The following SLC17A1 variants were observed in gnomAD, a reference collection of about 807,000 sequenced individuals.
SLC17A1 encodes solute carrier family 17 member 1.
SLC17A1 carries 51 observed loss-of-function variants against 53.5 expected under a neutral mutation model. The ratio of observed to expected loss-of-function variants is 0.95; its 90% confidence interval spans 0.76 to 1.20. The LOEUF is 1.20. Ranked by LOEUF, SLC17A1 falls within the 50% of genes most tolerant of loss-of-function variation. SLC17A1 has a pLI of 0.00. For missense variants in SLC17A1, 538 were observed against 568.2 expected (o/e 0.95, Z 0.54); for synonymous variants, 179 against 198.8 (o/e 0.90, Z 0.84).
chr6:25,767,424 G>T, the SLC17A1 span, among the ~76,000 whole-genome samples: 2 of 152,038 alleles, frequency 1.3e-5, no homozygotes, highest in Non-Finnish European at 2.9e-5. Flanking sequence ...GTGCCTTGAG[G>T]TAGACTCTGT....
At chr6:25,753,586 A>C in the SLC17A1 span, among the ~76,000 whole-genome samples, 1 of 152,200 alleles carries the variant, frequency 6.6e-6, no homozygotes, top group Non-Finnish European at 1.5e-5. Context: ...AAAGAGATGA[A>C]GGTGGAACTG....
chr6:25,737,261 C>T, the SLC17A1 span, among the ~76,000 whole-genome samples: 1 of 152,164 alleles, frequency 6.6e-6, no homozygotes, highest in East Asian at 1.9e-4. Flanking sequence ...TCTTTTCAGG[C>T]TTTTGCATTT....
chr6:25,726,763 C>T, the SLC17A1 span: 9 of 1,160,962 alleles, frequency 7.8e-6, no homozygotes, highest in African/African-American at 1.5e-5. Flanking sequence ...CCGCATCTTT[C>T]ATCCTCCAGT....
the SLC17A1 span, among the ~76,000 whole-genome samples, chr6:25,734,277 T>G: frequency 6.6e-6 from 1 of 152,184 alleles, no homozygotes; most frequent in Non-Finnish European, 1.5e-5. Flanking sequence ...TACAAGGACA[T>G]AGTTTAAAAC....
chr6:25,729,394 A>G, the SLC17A1 span, among the ~76,000 whole-genome samples: 1 of 152,190 alleles, frequency 6.6e-6, no homozygotes, highest in Admixed American at 6.5e-5. Context: ...CATACTAGTT[A>G]CAGTTGCAAG....
the SLC17A1 span, among the ~76,000 whole-genome samples, chr6:25,775,247 G>A: frequency 4.0e-5 from 6 of 151,570 alleles, no homozygotes; most frequent in Admixed American, 2.0e-4. Context: ...CATGAGAATC[G>A]CTTGAGCTGG....
At chr6:25,802,941 T>C (rs1177439962) in intron 10 of SLC17A1, among the ~76,000 whole-genome samples, 2 of 96,910 alleles carry the variant, frequency 2.1e-5, no homozygotes, top group East Asian at 2.7e-4. Context: ...TCTTCTTTTT[T>C]TTTTTTTTTT....
chr6:25,724,700 G>A, the SLC17A1 span, among the ~76,000 whole-genome samples: 230 of 152,276 alleles, frequency 1.5e-3, 4 homozygotes, highest in East Asian at 0.026. Context: ...TCTTGACAAA[G>A]TATCTACATT....
At chr6:25,816,994 C>A (rs1363451830) in intron 6 of SLC17A1, among the ~76,000 whole-genome samples, 1 of 151,980 alleles carries the variant, frequency 6.6e-6, no homozygotes, top group Non-Finnish European at 1.5e-5. Context: ...ATTATAGGTG[C>A]CTGCCACCAC....
intron 12 of SLC17A1, among the ~76,000 whole-genome samples, chr6:25,794,571 A>G (rs1763565840): frequency 6.6e-6 from 1 of 152,204 alleles, no homozygotes; most frequent in Non-Finnish European, 1.5e-5. Flanking sequence ...TACAAAACCT[A>G]GAGAACTACC....
chr6:25,812,615 T>A (rs1010537554), intron 8 of SLC17A1, among the ~76,000 whole-genome samples: 1 of 152,168 alleles, frequency 6.6e-6, no homozygotes, highest in Non-Finnish European at 1.5e-5. Context: ...GATGCATGTG[T>A]GCTGTTGCTG....
At chr6:25,826,196 T>A (rs1764734128) in intron 3 of SLC17A1, among the ~76,000 whole-genome samples, 1 of 152,128 alleles carries the variant, frequency 6.6e-6, no homozygotes, top group South Asian at 2.1e-4. Context: ...TTTCCTCTTG[T>A]CCAAATTTCT....
the SLC17A1 span, among the ~76,000 whole-genome samples, chr6:25,725,007 G>C: frequency 1.8e-5 from 2 of 113,094 alleles, no homozygotes; most frequent in Non-Finnish European, 3.4e-5. Context: ...TTTTTTTTTG[G>C]TAACCAAATG....
chr6:25,762,391 T>G, the SLC17A1 span, among the ~76,000 whole-genome samples: 1 of 152,320 alleles, frequency 6.6e-6, no homozygotes, highest in South Asian at 2.1e-4. Context: ...TAGATCTCTC[T>G]GCTCATGTTA....
At chr6:25,814,864 T>A (rs1764282619) in intron 6 of SLC17A1, among the ~76,000 whole-genome samples, 1 of 151,968 alleles carries the variant, frequency 6.6e-6, no homozygotes, top group Non-Finnish European at 1.5e-5. Flanking sequence ...TGTGCCCCTG[T>A]AATCCCAGCT....
chr6:25,732,085 C>A, the SLC17A1 span: 6 of 1,087,646 alleles, frequency 5.5e-6, no homozygotes, highest in Non-Finnish European at 7.6e-6. Flanking sequence ...CGCTTTTTGT[C>A]CTCCTTCGAG....
At chr6:25,771,164 C>T in the SLC17A1 span, 9 of 664,726 alleles carry the variant, frequency 1.4e-5, no homozygotes, top group Non-Finnish European at 2.4e-5. Flanking sequence ...TAAGTTTCAG[C>T]AGCCCGAGTG....
chr6:25,761,264 C>T, the SLC17A1 span, among the ~76,000 whole-genome samples: 1 of 152,182 alleles, frequency 6.6e-6, no homozygotes, highest in Non-Finnish European at 1.5e-5. Flanking sequence ...GGGGAAGAGC[C>T]TCTGTAACCA....
chr6:25,820,714 A>G (rs1016209672), intron 3 of SLC17A1, among the ~76,000 whole-genome samples: 3 of 151,978 alleles, frequency 2.0e-5, no homozygotes, highest in African/African-American at 7.3e-5. Context: ...CCCCGTCTCT[A>G]CTAGAAAACC....
Sources: allele counts gnomAD v4.1 joint callset (sites outside exome capture counted in the v4.1 genomes callset), GRCh38; gene constraint gnomAD v4.1.1; transcripts MANE v1.5; gene names NCBI Gene and HGNC (gene_info 2026-07-23, HGNC 2026-07-21).